Variants in SETD1A observed in about 807,000 individuals in gnomAD.
SETD1A encodes the protein SET domain containing 1A, histone lysine methyltransferase.
In SETD1A, 29 loss-of-function variants were observed where a neutral mutation model predicts 149.9. The ratio of observed to expected loss-of-function variants is 0.19; its 90% CI spans 0.14 to 0.26. The LOEUF (loss-of-function observed/expected upper bound fraction) is 0.26. Among genes scored for constraint, SETD1A ranks in the 10% least tolerant of loss-of-function variants. The pLI is 1.00. For synonymous variants in SETD1A, 1,141 were observed against 968.5 expected, an observed-to-expected ratio of 1.18 and a Z score of -3.31; for missense variants, 2,109 against 2,353.1, an observed-to-expected ratio of 0.90 and a Z score of 2.15.
Position 30,983,868 on chromosome 16 carries a change from G to A in SETD1A, c.4969G>A (p.Val1657Ile). The part of the protein sequence containing the change: ...HCCTPNCYAK[V>I]ITIESQKKIV... ...TCCGCAGCCTAACTGCTACGCCAAG[G>A]TCATCACCATCGAGTCCCAGAAGAA... Residue 1657 changes from valine (V) to isoleucine (I), a missense_variant, in exon 19 of 19, where the codon GTC becomes ATC. Val to Ile is a conservative substitution (Grantham distance 29). Around this residue, in one of 8 missense-constraint regions of SETD1A, gnomAD observed 254 missense variants for 409.3 expected, o/e 0.62. Transcript: ENST00000262519. This position sits in a 1 kb window ranked among gnomAD's most constrained non-coding sequence, Gnocchi z 6.8. 3.7e-6 allele frequency: 6 copies of A among 1,611,006 alleles called. No individual in the cohort carries two copies. Among genetic ancestry groups the A allele is most frequent in the Non-Finnish European group, 5.1e-6 (6 of 1,178,368 alleles).
chr16:30,976,348 G>A (rs1159063440), intron 13 of SETD1A, among the ~76,000 whole-genome samples: 6 of 152,282 alleles, frequency 3.9e-5, no homozygotes, highest in South Asian at 2.1e-4. Context: ...TGATTGTGCC[G>A]CTGCACTGTA....
At position 30,969,664 on chromosome 16, in the gene SETD1A, AAAG is replaced by A. The variant is rs1162562336; in HGVS notation, c.2995_2997del (p.Lys999del). The stretch of plus-strand genomic sequence containing the variant: ...ATCGAGAGGAAGCTGTGGATACCAC[AAAG>A]AAGGAGACAGAGGTGTCGGATGGTG... On this transcript the variant is annotated inframe_deletion, in exon 12 of 19. Transcript: ENST00000262519. 8 of 1,614,154 alleles carry A rather than the reference AAAG, an allele frequency of 5.0e-6. No homozygotes were observed. Among genetic ancestry groups the A allele is most frequent in the Non-Finnish European group, 2.5e-6 (3 of 1,179,950 alleles).
Position 30,966,177 on chromosome 16 carries a change from G to C in SETD1A, c.2296G>C (p.Gly766Arg). Residue 766 changes from glycine to arginine, a missense_variant, in exon 8 of 19, where the codon GGA becomes CGA. This residue lies in a region of SETD1A where 431 missense variants were observed against 388.6 expected (regional missense o/e 1.11). Transcript: ENST00000262519. ...GCCCCTGCCCTCCTCCTCAGTCTCGGGAGAGGAGGCCCGGCTGCCACCCAG... is the reference window on the plus strand; with the variant it reads ...GCCCCTGCCCTCCTCCTCAGTCTCGCGAGAGGAGGCCCGGCTGCCACCCAG... ...AEPLPSSSVSGEEARLPPREE... is the reference protein window; with the variant it reads ...AEPLPSSSVSREEARLPPREE... 1 of 1,611,694 alleles carries C rather than the reference G, an allele frequency of 6.2e-7. No homozygotes were observed.
At chr16:30,973,522 T>G (rs1342684514) in intron 13 of SETD1A, among the ~76,000 whole-genome samples, 1 of 152,004 alleles carries the variant, frequency 6.6e-6, no homozygotes, top group Admixed American at 6.6e-5. Flanking sequence ...AGATGTGGTG[T>G]TGTGTACCTG....
rs1225990477 is a variant in SETD1A, at chr16:30,984,033, G to C, written c.*10G>C. 4 of 1,608,494 alleles carry C rather than the reference G, an allele frequency of 2.5e-6. No individual in the cohort carries two copies. In the South Asian group the frequency reaches 4.4e-5, roughly 18 times the overall value. On this transcript the variant is annotated 3_prime_UTR_variant, in exon 19 of 19. Transcript: ENST00000262519. ...GGGCTCCCTAAACTGAGGTGGGGCA[G>C]GATGGGTGCCCACACCCCTATTTAT...
rs1409583947 is a variant in SETD1A at position 30,983,885 on chromosome 16, C to T, written c.4986C>T (p.Ser1662=). 6.2e-7 allele frequency: 1 copy of T among 1,611,946 alleles called. No homozygotes were observed. Among genetic ancestry groups the T allele is most frequent in the East Asian group, 2.2e-5 (1 of 44,830 alleles). The change falls in exon 19 of 19, where the codon TCC becomes TCT. Residue 1662 remains serine (S), a synonymous_variant. Coordinates refer to ENST00000262519, the MANE Select transcript of SETD1A (RefSeq NM_014712.3). The surrounding 1 kb of genome is among the most constrained non-coding windows in gnomAD (Gnocchi z 6.8). ...NCYAKVITIE[S]QKKIVIYSKQ... ...ACGCCAAGGTCATCACCATCGAGTC[C>T]CAGAAGAAGATCGTGATCTACTCCA...
intron 13 of SETD1A, among the ~76,000 whole-genome samples, chr16:30,975,145 CAAAAA>C (rs773276055): frequency 3.2e-5 from 4 of 123,582 alleles, no homozygotes; most frequent in Non-Finnish European, 7.0e-5. Context: ...AGACTGTCTC[CAAAAA>C]AAAAAAAAAA....
chr16:30,977,808 C>T (rs559684675), intron 13 of SETD1A, among the ~76,000 whole-genome samples: 8 of 152,298 alleles, frequency 5.3e-5, no homozygotes, highest in African/African-American at 1.2e-4. Flanking sequence ...CTCCTAGGGC[C>T]GGGCCTGGTG....
chr16:30,973,297 G>C (rs2056246877), intron 13 of SETD1A, among the ~76,000 whole-genome samples: 1 of 152,154 alleles, frequency 6.6e-6, no homozygotes, highest in African/African-American at 2.4e-5. Flanking sequence ...GTGGATGTAG[G>C]GCGCTTCTTA....
rs753369178 is a variant in SETD1A, at chr16:30,969,684, C to T, written c.3011C>T (p.Ser1004Leu). 18 of 1,613,190 alleles carry T rather than the reference C, an allele frequency of 1.1e-5. No individual in the cohort carries two copies. The highest frequency in any genetic ancestry group is 3.3e-5 in the South Asian group (3 of 91,044). ...VDTTKKETEV[S>L]DGEDEESDSS... ...ACCACAAAGAAGGAGACAGAGGTGT[C>T]GGATGGTGAGCACAAGACAGTGAAA... The change falls in exon 12 of 19, where the codon TCG (serine) becomes TTG (leucine). Residue 1004 changes from serine to leucine, a missense_variant. Physicochemically the swap from Ser to Leu is moderately radical, Grantham distance 145. Transcript: ENST00000262519.
Position 30,966,003 on chromosome 16 carries a change from G to T in SETD1A, c.2122G>T (p.Gly708Cys). The T allele has an allele frequency of 6.4e-7, 1 of 1,574,136 alleles. No homozygotes were observed. The highest frequency in any genetic ancestry group is 8.6e-7 in the Non-Finnish European group (1 of 1,160,186). ...GATTGCCGCCTCAGCTGGCCCCCCC[G>T]GTGGGGCCTTTGGGGAGGCCTTCCT... is the stretch of plus-strand genomic sequence containing the variant. ...GLIAASAGPPGGAFGEAFLPF... is the reference protein window; with the variant it reads ...GLIAASAGPPCGAFGEAFLPF... The change falls in exon 8 of 19, where the codon GGT becomes TGT. Residue 708 changes from glycine to cysteine, a missense_variant. Gly to Cys is a radical substitution (Grantham distance 159, BLOSUM62 -3). Around this residue, in one of 8 missense-constraint regions of SETD1A, gnomAD observed 431 missense variants for 388.6 expected, o/e 1.11. Coordinates refer to ENST00000262519, the MANE Select transcript of SETD1A (RefSeq NM_014712.3).
rs768391019 is a variant in SETD1A, at chr16:30,965,092, C to T, written c.1350C>T (p.Ser450=). 9.3e-6 allele frequency: 15 copies of T among 1,611,482 alleles called. No homozygotes were observed. The highest frequency in any genetic ancestry group is 1.6e-4 in the Middle Eastern group (1 of 6,062). ...PGGGGGGGGP[S]PEREEVRTSP... is the part of the protein sequence containing the mutation. ...GAGGCGGGGGTGGAGGAGGGCCCAG[C>T]CCTGAGAGAGAAGAAGTTCGGACTT... Residue 450 remains serine (S), a synonymous_variant, in exon 7 of 19, where the codon AGC becomes AGT. Transcript: ENST00000262519.
In SETD1A at chr16:30,982,416, G is replaced by A. The variant is rs183033248; in HGVS notation, c.4813-1219G>A. ...CTAGGGAGGCTGAGGCAGGAGAATC[G>A]CTTGGACCTGGGAGGCAGAGGTTGC... is the stretch of plus-strand genomic sequence containing the variant. On this transcript the variant is annotated intron_variant, in intron 17 of 18. Coordinates refer to ENST00000262519, the MANE Select transcript of SETD1A (RefSeq NM_014712.3). Among the ~76,000 whole-genome samples the A allele has an allele frequency of 2.8e-3, 425 of 151,748 alleles. 5 individuals carry two copies. The highest frequency in any genetic ancestry group is 5.2e-3 in the Non-Finnish European group (352 of 67,906).
chr16:30,967,276 C>T (rs1280257154), intron 9 of SETD1A, among the ~76,000 whole-genome samples: 1 of 152,154 alleles, frequency 6.6e-6, no homozygotes, highest in Non-Finnish European at 1.5e-5. Flanking sequence ...GCCTCAGCCT[C>T]CCGAGTAGCT....
chr16:30,962,054 C>A (rs2056059661), intron 4 of SETD1A, among the ~76,000 whole-genome samples: 1 of 127,266 alleles, frequency 7.9e-6, no homozygotes, highest in South Asian at 2.6e-4. Flanking sequence ...CACTGCCCAG[C>A]CTGTTTTTAA....
intron 8 of SETD1A, 150 bp downstream of exon 8, chr16:30,966,536 G>A: frequency 8.1e-7 from 1 of 1,228,330 alleles, no homozygotes. Context: ...GGGTGGGCAG[G>A]GGAGTTGAGG....
At chr16:30,963,386 A>T in intron 4 of SETD1A, 47 bp from the exon 5 acceptor site, 1 of 1,539,482 alleles carries the variant, frequency 6.5e-7, no homozygotes, top group Non-Finnish European at 8.8e-7. Context: ...ATCAGGAAGG[A>T]GTTAGTATCT....
At position 30,979,904 on chromosome 16, in the gene SETD1A, A is replaced by G. The variant is rs567495612; in HGVS notation, c.4118A>G (p.Glu1373Gly). ...GGGGAGGAAGAGGGGGAGGAAGAGG[A>G]GGAGGAGTCCTCTGACAGCAGCAGC... ...EEGEEEGEEE[E>G]EESSDSSSSS... Residue 1373 changes from glutamate to glycine, a missense_variant, in exon 14 of 19, where the codon GAG (glutamate) becomes GGG (glycine). Physicochemically the swap from Glu to Gly is moderately conservative, Grantham distance 98. Around this residue, in one of 8 missense-constraint regions of SETD1A, gnomAD observed 832 missense variants for 815.6 expected, o/e 1.02. Transcript: ENST00000262519. The G allele has an allele frequency of 6.5e-7, 1 of 1,534,040 alleles. No homozygotes were observed.
In SETD1A at chr16:30,966,225, G is replaced by T; in HGVS notation, c.2344G>T (p.Gly782Cys). The T allele has an allele frequency of 6.2e-7, 1 of 1,613,630 alleles. No individual in the cohort carries two copies. Among genetic ancestry groups the T allele is most frequent in the South Asian group, 1.1e-5 (1 of 91,082 alleles). Residue 782 changes from glycine (G) to cysteine (C), a missense_variant, in exon 8 of 19, where the codon GGC becomes TGC. By Grantham distance (159) the Gly-to-Cys change is radical. This residue lies in a region of SETD1A where 431 missense variants were observed against 388.6 expected (regional missense o/e 1.11). Coordinates refer to ENST00000262519, the MANE Select transcript of SETD1A (RefSeq NM_014712.3). ...PPREEAELAE[G>C]KTLPTAGTVG... Reference sequence around the variant, plus strand: ...CAGGGAAGAAGCAGAGCTGGCAGAGGGCAAGACCCTCCCGACAGCAGGCAC... The same window carrying T: ...CAGGGAAGAAGCAGAGCTGGCAGAGTGCAAGACCCTCCCGACAGCAGGCAC...
Sources: allele counts gnomAD v4.1 joint callset (sites outside exome capture counted in the v4.1 genomes callset), GRCh38; gene constraint gnomAD v4.1.1; regional missense constraint gnomAD v4.1.1; non-coding constraint Gnocchi (gnomAD v3.1); transcripts MANE v1.5; gene names NCBI Gene and HGNC (gene_info 2026-07-23, HGNC 2026-07-21).